PRAMEF4: variants seen among roughly 807,000 people sequenced by gnomAD.
The protein encoded by PRAMEF4 is PRAME family member 4.
In PRAMEF4, 18 loss-of-function variants were observed where a neutral mutation model predicts 34.4. The ratio of observed to expected loss-of-function variants is 0.52; its 90% confidence interval spans 0.36 to 0.78. The LOEUF is 0.78. Ranked by LOEUF, PRAMEF4 falls within the 30% of genes least tolerant of loss-of-function variation. The probability of loss-of-function intolerance (pLI) is 0.00; values close to 1 mark genes in which losing one functional copy is unlikely to be tolerated. For missense variants in PRAMEF4, 482 were observed against 569.1 expected (o/e 0.85, Z 1.56); for synonymous variants, 156 against 219.3 (o/e 0.71, Z 2.55).
intron 1 of PRAMEF4, among the ~76,000 whole-genome samples, chr1:12,885,905 G>A (rs1277802340): frequency 8.7e-6 from 1 of 114,336 alleles, no homozygotes; most frequent in Non-Finnish European, 1.7e-5. Flanking sequence ...GGGGTTAAAG[G>A]CATGAGTCAC....
At chr1:12,884,109 A>G (rs1209279418) in intron 1 of PRAMEF4, among the ~76,000 whole-genome samples, 2 of 146,104 alleles carry the variant, frequency 1.4e-5, no homozygotes, top group Admixed American at 7.2e-5. Context: ...CCCAGCTCAA[A>G]GGATTCTTCC....
rs1411305644 is a variant in PRAMEF4 at position 12,883,024 on chromosome 1, T to C, written c.293+78A>G. 3.2e-6 allele frequency: 5 copies of C among 1,570,410 alleles called. 1 individual carries two copies. Among genetic ancestry groups the C allele is most frequent in the Non-Finnish European group, 4.3e-6 (5 of 1,154,500 alleles). ...TCACCACCACCATCCCCCTTGGGCCTCCTCACTTCTCACGACCCAGCTGTT... is the reference window on the plus strand; with the variant it reads ...TCACCACCACCATCCCCCTTGGGCCCCCTCACTTCTCACGACCCAGCTGTT... On this transcript the variant is annotated intron_variant, in intron 2 of 3. Transcript: ENST00000235349.
At position 12,883,408 on chromosome 1, in the gene PRAMEF4, A is replaced by G; in HGVS notation, c.-14T>C. On this transcript the variant is annotated splice_region_variant and 5_prime_UTR_variant, in exon 2 of 4. Coordinates refer to ENST00000235349, the MANE Select transcript of PRAMEF4 (RefSeq NM_001009611.4). ...GCTCATCTTCATGAATCTGCAGGGA[A>G]AACTTCCAGAGGACAAACCCAGAGA... 3 of 1,601,460 alleles carry G rather than the reference A, an allele frequency of 1.9e-6. 1 individual carries two copies. In the South Asian group the frequency reaches 3.3e-5, roughly 18 times the overall value.
At chr1:12,884,587 C>T (rs954565699) in intron 1 of PRAMEF4, among the ~76,000 whole-genome samples, 6 of 147,164 alleles carry the variant, frequency 4.1e-5, no homozygotes, top group East Asian at 2.0e-4. Flanking sequence ...CAGTGGTCTG[C>T]GCCTGTAGTC....
At chr1:12,883,816 T>C (rs1640941302) in intron 1 of PRAMEF4, among the ~76,000 whole-genome samples, 1 of 147,082 alleles carries the variant, frequency 6.8e-6, no homozygotes, top group Admixed American at 7.0e-5. Context: ...GGAACATTCA[T>C]GGGGCATCCC....
In PRAMEF4 at chr1:12,885,910, A is replaced by G. The variant is rs572212045; in HGVS notation, c.-17+237T>C. On this transcript the variant is annotated intron_variant, in intron 1 of 3. Coordinates refer to ENST00000235349, the MANE Select transcript of PRAMEF4 (RefSeq NM_001009611.4). The stretch of plus-strand genomic sequence containing the variant: ...CCGAAGTGTTGGGGTTAAAGGCATG[A>G]GTCACTGCTCCCTTCAAGAATTTTA... Among the ~76,000 whole-genome samples, 256 of 112,484 alleles carry G rather than the reference A, an allele frequency of 2.3e-3. 5 individuals carry two copies. Among genetic ancestry groups the G allele is most frequent in the Non-Finnish European group, 3.7e-3 (210 of 56,888 alleles). 73.8% of individuals were successfully genotyped at this position (112,484 alleles called of 152,430 possible).
At chr1:12,881,470 A>G (rs1640886175) in intron 3 of PRAMEF4, among the ~76,000 whole-genome samples, 1 of 149,252 alleles carries the variant, frequency 6.7e-6, no homozygotes, top group Non-Finnish European at 1.5e-5. Flanking sequence ...GGCTCAAGCT[A>G]TCCTCTTGCC....
chr1:12,884,261 C>G (rs1241875493), intron 1 of PRAMEF4, among the ~76,000 whole-genome samples: 3 of 148,612 alleles, frequency 2.0e-5, no homozygotes, highest in Admixed American at 1.4e-4. Flanking sequence ...AAGCAATCTA[C>G]CCCTCTTGGC....
rs28656460 is a variant in PRAMEF4 at position 12,879,741 on chromosome 1, G to T, written c.1240C>A (p.Leu414Met). 1.1e-5 allele frequency: 17 copies of T among 1,603,158 alleles called. 1 individual carries two copies. The Admixed American group carries it at 2.2e-4, about 21-fold the overall frequency. Residue 414 changes from leucine (L) to methionine (M), a missense_variant, in exon 4 of 4, where the codon CTG (leucine) becomes ATG (methionine). Transcript: ENST00000235349. ...TAACTCTCCCGGGGGGCAGGATACA[G>T]CTCCACGCATAAGTTTTTGAGTATG... ...TIILKNLCVE[L>M]YPAPRESYGA... is the part of the protein sequence containing the mutation.
rs557747563 is a variant in PRAMEF4, at chr1:12,885,166, G to A, written c.-17+981C>T. Among the ~76,000 whole-genome samples, 11 of 150,542 alleles carry A rather than the reference G, an allele frequency of 7.3e-5. No individual in the cohort carries two copies. The South Asian group carries it at 1.1e-3, about 14-fold the overall frequency. On this transcript the variant is annotated intron_variant, in intron 1 of 3. Coordinates refer to ENST00000235349, the MANE Select transcript of PRAMEF4 (RefSeq NM_001009611.4). ...TGCTGAGGGAGCTGAGTCTCACTTC[G>A]TCGCCCAGGCTGGAGTGCAGTGGCA...
chr1:12,885,786 A>G (rs71647074), intron 1 of PRAMEF4, among the ~76,000 whole-genome samples: 1 of 145,436 alleles, frequency 6.9e-6, no homozygotes, highest in African/African-American at 2.6e-5. Context: ...CTCCATCCCC[A>G]CCCTCAAAAA....
At chr1:12,880,442 G>A (rs1373804556) in intron 3 of PRAMEF4, among the ~76,000 whole-genome samples, 3 of 150,432 alleles carry the variant, frequency 2.0e-5, no homozygotes, top group Non-Finnish European at 3.0e-5. Context: ...CAGGTGTGGT[G>A]GGGGGAGCCT....
rs777232457 is a variant in PRAMEF4 at position 12,879,563 on chromosome 1, G to C, written c.1418C>G (p.Ala473Gly). The C allele has an allele frequency of 3.8e-6, 6 of 1,564,706 alleles. No individual in the cohort carries two copies. The highest frequency in any genetic ancestry group is 2.6e-6 in the Non-Finnish European group (3 of 1,147,952). Reference sequence around the variant, plus strand: ...AGGCATTCAACAGCAGTATTGATCTGCCTCCAGGTCATAAAATGACCTGTT... The same window carrying C: ...AGGCATTCAACAGCAGTATTGATCTCCCTCCAGGTCATAAAATGACCTGTT... ...CGNRSFYDLE[A>G]DQYCC is the part of the protein sequence containing the mutation. The change falls in exon 4 of 4, where the codon GCA becomes GGA. Residue 473 changes from alanine to glycine, a missense_variant. Coordinates refer to ENST00000235349, the MANE Select transcript of PRAMEF4 (RefSeq NM_001009611.4).
At chr1:12,881,173 C>T (rs1444443550) in intron 3 of PRAMEF4, among the ~76,000 whole-genome samples, 1 of 147,840 alleles carries the variant, frequency 6.8e-6, no homozygotes, top group Admixed American at 7.0e-5. Flanking sequence ...GGAGAATAAC[C>T]TGGCCAACAT....
Position 12,879,691 on chromosome 1 carries a change from C to T in PRAMEF4, c.1290G>A (p.Trp430Ter). Residue 430 changes from tryptophan to a stop codon, truncating the protein, a stop_gained, in exon 4 of 4, where the codon TGG (tryptophan) becomes TGA (stop). Coordinates refer to ENST00000235349, the MANE Select transcript of PRAMEF4 (RefSeq NM_001009611.4). LOFTEE classifies it high-confidence loss of function. ...CAGCCCTAATTTGAGCAAATCTGCTCCAGCAGAGAGTACCATCAGCACCAT... is the reference window on the plus strand; with the variant it reads ...CAGCCCTAATTTGAGCAAATCTGCTTCAGCAGAGAGTACCATCAGCACCAT... ...ESYGADGTLC[W>*]SRFAQIRAEL... is the part of the protein sequence containing the mutation. The T allele has an allele frequency of 1.2e-6, 2 of 1,602,032 alleles. No individual in the cohort carries two copies. The highest frequency in any genetic ancestry group is 1.1e-5 in the South Asian group (1 of 90,354).
chr1:12,880,896 A>G (rs372373751), intron 3 of PRAMEF4, among the ~76,000 whole-genome samples: 25 of 146,642 alleles, frequency 1.7e-4, no homozygotes, highest in African/African-American at 3.8e-4. Context: ...CATTGCCTAG[A>G]TAATTAATTT....
chr1:12,881,742 T>G, intron 3 of PRAMEF4, 112 bp downstream of exon 3: 1 of 1,509,842 alleles, frequency 6.6e-7, no homozygotes, highest in Non-Finnish European at 9.0e-7. Flanking sequence ...GACATTCTAG[T>G]GTCCCCTTCA....
intron 1 of PRAMEF4, among the ~76,000 whole-genome samples, chr1:12,884,605 C>A (rs1205069747): frequency 2.0e-5 from 3 of 147,408 alleles, no homozygotes; most frequent in Admixed American, 7.0e-5. Flanking sequence ...GTCCAAGCTA[C>A]TAGGGAGGCT....
At chr1:12,880,511 G>A (rs1640867575) in intron 3 of PRAMEF4, among the ~76,000 whole-genome samples, 1 of 149,984 alleles carries the variant, frequency 6.7e-6, no homozygotes, top group Admixed American at 6.8e-5. Context: ...AGGAGGTGTA[G>A]GTTGCAGTGA....
Sources: gnomAD v4.1 joint callset for allele counts (sites outside exome capture counted in the v4.1 genomes callset) on GRCh38, gnomAD v4.1.1 for gene constraint, MANE v1.5 for transcripts, NCBI Gene and HGNC (gene_info 2026-07-23, HGNC 2026-07-21) for gene names.